OLFM2: variants seen among roughly 807,000 people sequenced by gnomAD.
OLFM2 encodes olfactomedin 2, also known as noelin-2.
Under a neutral mutation model 43.9 loss-of-function variants are expected in OLFM2, and 20 were observed. The ratio of observed to expected loss-of-function variants is 0.46; its 90% CI spans 0.32 to 0.66. The LOEUF is 0.66. Among genes scored for constraint, OLFM2 ranks in the 30% least tolerant of loss-of-function variants. The pLI is 0.04. For missense variants in OLFM2, 416 were observed against 643.6 expected, an observed-to-expected ratio of 0.65 and a Z score of 3.83; for synonymous variants, 268 against 278.6, an observed-to-expected ratio of 0.96 and a Z score of 0.38.
intron 5 of OLFM2, among the ~76,000 whole-genome samples, chr19:9,855,126 C>T (rs2046305447): frequency 6.6e-6 from 1 of 152,152 alleles, no homozygotes; most frequent in Non-Finnish European, 1.5e-5. Flanking sequence ...ATCCAATGAC[C>T]AGGGAATTCC....
At chr19:9,933,795 G>A (rs2086498978) in intron 1 of OLFM2, among the ~76,000 whole-genome samples, 1 of 152,022 alleles carries the variant, frequency 6.6e-6, no homozygotes, top group Admixed American at 6.6e-5. Context: ...GACCTCAGGC[G>A]ATCCACTTGC....
At chr19:9,898,176 G>A (rs1365076079) in intron 1 of OLFM2, among the ~76,000 whole-genome samples, 1 of 148,790 alleles carries the variant, frequency 6.7e-6, no homozygotes, top group Admixed American at 6.8e-5. Flanking sequence ...CTCCCAAAGT[G>A]CTGGGATTAC....
chr19:9,917,454 T>C (rs886541046), intron 1 of OLFM2, among the ~76,000 whole-genome samples: 3 of 152,196 alleles, frequency 2.0e-5, no homozygotes, highest in Admixed American at 6.6e-5. Flanking sequence ...CTGGTCGGTT[T>C]ATCCAATGGG....
chr19:9,854,260 T>C lies in OLFM2; in HGVS notation c.1291A>G (p.Thr431Ala). Residue 431 changes from threonine (T) to alanine (A), a missense_variant, in exon 6 of 6, where the codon ACC (threonine) becomes GCC (alanine). Coordinates refer to ENST00000264833, the MANE Select transcript of OLFM2 (RefSeq NM_058164.4). This position sits in a 1 kb window ranked among gnomAD's most constrained non-coding sequence, Gnocchi z 9.5. Reference protein sequence around the residue: ...DYNPRERALYTWNNGHQVLYN... With the variant: ...DYNPRERALYAWNNGHQVLYN... The stretch of plus-strand genomic sequence containing the variant: ...AGCACCTGGTGGCCGTTGTTCCAGG[T>C]ATAGAGGGCGCGCTCCCGGGGGTTG... 6.2e-7 allele frequency: 1 copy of C among 1,613,806 alleles called. No individual in the cohort carries two copies. Among genetic ancestry groups the C allele is most frequent in the South Asian group, 1.1e-5 (1 of 91,058 alleles).
chr19:9,902,059 C>T (rs1440073266), intron 1 of OLFM2, among the ~76,000 whole-genome samples: 1 of 151,724 alleles, frequency 6.6e-6, no homozygotes, highest in African/African-American at 2.4e-5. Context: ...GATGGAGTCT[C>T]GCTTTGTCAC....
At chr19:9,933,267 T>C (rs1266473526) in intron 1 of OLFM2, among the ~76,000 whole-genome samples, 1 of 152,178 alleles carries the variant, frequency 6.6e-6, no homozygotes, top group Non-Finnish European at 1.5e-5. Flanking sequence ...GAGACAGTCT[T>C]GTTCTGTTGC....
At chr19:9,912,775 G>A (rs965329432) in intron 1 of OLFM2, among the ~76,000 whole-genome samples, 3 of 151,902 alleles carry the variant, frequency 2.0e-5, no homozygotes, top group Non-Finnish European at 4.4e-5. Flanking sequence ...TCTGCGCCCC[G>A]TCTACCTCCC....
intron 1 of OLFM2, among the ~76,000 whole-genome samples, chr19:9,863,537 T>G (rs2046379485): frequency 6.6e-6 from 1 of 151,870 alleles, no homozygotes; most frequent in Non-Finnish European, 1.5e-5. Flanking sequence ...CTGACAGGCA[T>G]GGAAGAAATT....
chr19:9,894,429 G>A (rs962592437), intron 1 of OLFM2, among the ~76,000 whole-genome samples: 1 of 129,020 alleles, frequency 7.8e-6, no homozygotes, highest in Admixed American at 8.1e-5. Context: ...ATAAAATAAA[G>A]CCAGGTGCAG....
intron 1 of OLFM2, among the ~76,000 whole-genome samples, chr19:9,902,373 T>C (rs1032665469): frequency 1.4e-5 from 2 of 148,050 alleles, no homozygotes; most frequent in African/African-American, 5.0e-5. Context: ...TGTGTTTACT[T>C]GCCTTCATCT....
intron 1 of OLFM2, among the ~76,000 whole-genome samples, chr19:9,922,613 C>T (rs2086427973): frequency 6.6e-6 from 1 of 151,994 alleles, no homozygotes; most frequent in African/African-American, 2.4e-5. Context: ...TGGCACCCAT[C>T]AGAATGTCTA....
intron 1 of OLFM2, among the ~76,000 whole-genome samples, chr19:9,911,790 T>A (rs1342708972): frequency 6.6e-6 from 1 of 152,140 alleles, no homozygotes; most frequent in East Asian, 1.9e-4. Context: ...ACAGACTCAC[T>A]TGCTTTCAAT....
At chr19:9,930,251 GA>G (rs1383691101) in intron 1 of OLFM2, among the ~76,000 whole-genome samples, 1 of 152,200 alleles carries the variant, frequency 6.6e-6, no homozygotes, top group Non-Finnish European at 1.5e-5. Context: ...TGCAAGTGCA[GA>G]GGGGGAGCCC....
intron 1 of OLFM2, among the ~76,000 whole-genome samples, chr19:9,863,737 G>A (rs1176550478): frequency 4.0e-5 from 6 of 151,752 alleles, no homozygotes; most frequent in African/African-American, 4.8e-5. Context: ...CCACTCAATC[G>A]AGTCTTTTTT....
At chr19:9,894,412 T>TAATAATAATAATAATAAA (rs34379733) in intron 1 of OLFM2, among the ~76,000 whole-genome samples, 914 of 62,206 alleles carry the variant, frequency 0.015, 13 homozygotes, top group African/African-American at 0.036. Flanking sequence ...ATAATAATAA[T>TAATAATAATAATAATAAA]AAATAAATAA....
chr19:9,885,385 C>A (rs1296603074), intron 1 of OLFM2, among the ~76,000 whole-genome samples: 1 of 152,194 alleles, frequency 6.6e-6, no homozygotes, highest in Non-Finnish European at 1.5e-5. Context: ...GTCAGACATC[C>A]ACGCTGTGAT....
At chr19:9,926,537 G>A (rs1394757637) in intron 1 of OLFM2, among the ~76,000 whole-genome samples, 1 of 152,070 alleles carries the variant, frequency 6.6e-6, no homozygotes, top group East Asian at 1.9e-4. Flanking sequence ...GGGACAGAGA[G>A]CGAGACTCCA....
At chr19:9,935,764 C>T (rs1236170752) in intron 1 of OLFM2, among the ~76,000 whole-genome samples, 1 of 151,936 alleles carries the variant, frequency 6.6e-6, no homozygotes, top group African/African-American at 2.4e-5. Context: ...CCGCCACACA[C>T]ACAAACTCCC....
In OLFM2 at chr19:9,857,553, G is replaced by T; in HGVS notation, c.361-71C>A. On this transcript the variant is annotated intron_variant, in intron 3 of 5. Transcript: ENST00000264833. The surrounding 1 kb of genome is among the most constrained non-coding windows in gnomAD (Gnocchi z 5.7). Reference sequence around the variant, plus strand: ...TGACCCAGACATGACTCCAACCTCTGACTCATAACTTCACCCTTTGTCTTT... The same window carrying T: ...TGACCCAGACATGACTCCAACCTCTTACTCATAACTTCACCCTTTGTCTTT... 1 of 1,571,642 alleles carries T rather than the reference G, an allele frequency of 6.4e-7. No individual in the cohort carries two copies. Among genetic ancestry groups the T allele is most frequent in the South Asian group, 1.1e-5 (1 of 89,364 alleles).
Sources: gnomAD v4.1 joint callset for allele counts (sites outside exome capture counted in the v4.1 genomes callset) on GRCh38, gnomAD v4.1.1 for gene constraint, Gnocchi (gnomAD v3.1) non-coding constraint, MANE v1.5 for transcripts, NCBI Gene and HGNC (gene_info 2026-07-23, HGNC 2026-07-21) for gene names.